Variants in GLG1 observed in about 807,000 individuals in gnomAD.
GLG1 encodes the protein golgi glycoprotein 1.
Under a neutral mutation model 160.5 loss-of-function variants are expected in GLG1, and 38 were observed. The observed-to-expected ratio is 0.24, with a 90% confidence interval of 0.18 to 0.31. The LOEUF is 0.31. Among genes scored for constraint, GLG1 ranks in the 10% least tolerant of loss-of-function variants. GLG1 has a pLI of 1.00. For missense variants in GLG1, 1,373 were observed against 1,505.2 expected (o/e 0.91, Z 1.45); for synonymous variants, 644 against 543.4 (o/e 1.19, Z -2.57).
chr16:74,551,371 T>A (rs1382573697), intron 1 of GLG1, among the ~76,000 whole-genome samples: 2 of 151,908 alleles, frequency 1.3e-5, no homozygotes, highest in East Asian at 3.9e-4. Flanking sequence ...TTCGGCTCAC[T>A]GCAACCTTAG....
chr16:74,499,414 CTG>C (rs1174710617), intron 4 of GLG1, among the ~76,000 whole-genome samples: 1 of 152,090 alleles, frequency 6.6e-6, no homozygotes, highest in Non-Finnish European at 1.5e-5. Context: ...CTATGGAACA[CTG>C]TGTTTTTTAC....
chr16:74,527,134 GT>G (rs2017359844), intron 2 of GLG1, among the ~76,000 whole-genome samples: 1 of 151,282 alleles, frequency 6.6e-6, no homozygotes, highest in African/African-American at 2.4e-5. Flanking sequence ...ATATTCCAAA[GT>G]AAAATTATAT....
chr16:74,560,217 A>C (rs2018470818), intron 1 of GLG1, among the ~76,000 whole-genome samples: 1 of 152,076 alleles, frequency 6.6e-6, no homozygotes, highest in South Asian at 2.1e-4. Context: ...CCATTCCATC[A>C]GTTGAAGGTC....
intron 4 of GLG1, among the ~76,000 whole-genome samples, chr16:74,502,717 T>G (rs1160048512): frequency 2.5e-5 from 2 of 79,246 alleles, no homozygotes; most frequent in Non-Finnish European, 5.0e-5. Flanking sequence ...CTAATTTTGT[T>G]TTTGGTTTTT....
At chr16:74,606,108 T>A (rs1597393253) in intron 1 of GLG1, among the ~76,000 whole-genome samples, 1 of 152,176 alleles carries the variant, frequency 6.6e-6, no homozygotes, top group East Asian at 1.9e-4. Flanking sequence ...CACTGGGAGT[T>A]AACAGCTTAA....
intron 22 of GLG1, 151 bp downstream of exon 22, chr16:74,461,943 G>GT: frequency 1.7e-6 from 1 of 576,930 alleles, no homozygotes; most frequent in East Asian, 2.9e-5. Flanking sequence ...GTGTTACAAA[G>GT]AACAGGAATG....
At chr16:74,571,334 T>C (rs1488308812) in intron 1 of GLG1, among the ~76,000 whole-genome samples, 1 of 152,144 alleles carries the variant, frequency 6.6e-6, no homozygotes, top group Non-Finnish European at 1.5e-5. Context: ...TGCCCAAAAA[T>C]CTGACCCACA....
intron 2 of GLG1, among the ~76,000 whole-genome samples, chr16:74,522,090 T>C (rs1374940325): frequency 6.6e-6 from 1 of 152,216 alleles, no homozygotes; most frequent in Non-Finnish European, 1.5e-5. Flanking sequence ...TTATAAACAA[T>C]GCTGCCTAGG....
At chr16:74,473,564 C>T (rs989525903) in intron 13 of GLG1, among the ~76,000 whole-genome samples, 6 of 151,710 alleles carry the variant, frequency 4.0e-5, no homozygotes, top group East Asian at 1.9e-4. Flanking sequence ...CTCAGCCTCC[C>T]GAGTAGCTGG....
intron 2 of GLG1, among the ~76,000 whole-genome samples, chr16:74,522,112 T>C (rs369439275): frequency 4.6e-5 from 7 of 152,370 alleles, no homozygotes; most frequent in African/African-American, 1.4e-4. Flanking sequence ...ATTTAGTTGA[T>C]ATTTTGCTCT....
chr16:74,541,768 A>C (rs1312362034), intron 1 of GLG1, among the ~76,000 whole-genome samples: 1 of 152,178 alleles, frequency 6.6e-6, no homozygotes, highest in Non-Finnish European at 1.5e-5. Flanking sequence ...AAAATACATG[A>C]CACACATGTT....
chr16:74,465,684 T>G lies in GLG1; in HGVS notation c.2659A>C (p.Met887Leu). ...DYTLMRVCKQ[M>L]IKRFCPEADS... ...TGGTGTCGGCTTCTCACCTTTATCATCTGCTTGCAGACCCTCATGAGGGTG... is the reference window on the plus strand; with the variant it reads ...TGGTGTCGGCTTCTCACCTTTATCAGCTGCTTGCAGACCCTCATGAGGGTG... The change falls in exon 19 of 26, where the codon ATG (methionine) becomes CTG (leucine). Residue 887 changes from methionine to leucine, a missense_variant. Physicochemically the swap from Met to Leu is conservative, Grantham distance 15 (BLOSUM62 2). Coordinates refer to ENST00000422840, the MANE Select transcript of GLG1 (RefSeq NM_001145667.2). 6.2e-7 allele frequency: 1 copy of G among 1,613,876 alleles called. No homozygotes were observed. Among genetic ancestry groups the G allele is most frequent in the East Asian group, 2.2e-5 (1 of 44,856 alleles).
chr16:74,571,632 C>T (rs1289663320), intron 1 of GLG1, among the ~76,000 whole-genome samples: 4 of 147,298 alleles, frequency 2.7e-5, no homozygotes, highest in Non-Finnish European at 5.9e-5. Flanking sequence ...CCAGCCTGGG[C>T]AACAGAGCAA....
rs184021787 is a variant in GLG1, at chr16:74,596,739, G to C, written c.438+9918C>G. Reference sequence around the variant, plus strand: ...GGGAAAATGAGCTATCACACAGCTGGACTGACTTGTTTTCAAATCTTGATT... The same window carrying C: ...GGGAAAATGAGCTATCACACAGCTGCACTGACTTGTTTTCAAATCTTGATT... On this transcript the variant is annotated intron_variant, in intron 1 of 25. Transcript: ENST00000422840. Among the ~76,000 whole-genome samples, 282 of 152,278 alleles carry C rather than the reference G, an allele frequency of 1.9e-3. 5 individuals are homozygous for C. The highest frequency in any genetic ancestry group is 0.017 in the Admixed American group (262 of 15,282).
intron 15 of GLG1, 30 bp from the exon 16 acceptor site, chr16:74,470,103 G>A: frequency 3.5e-6 from 5 of 1,437,194 alleles, no homozygotes; most frequent in African/African-American, 1.4e-5. Flanking sequence ...AAAGTCAGAA[G>A]TTTTGTGGCA....
chr16:74,563,870 T>C (rs1177855018), intron 1 of GLG1, among the ~76,000 whole-genome samples: 1 of 152,236 alleles, frequency 6.6e-6, no homozygotes, highest in Non-Finnish European at 1.5e-5. Context: ...GATAACAGAA[T>C]TGCTCAAGGT....
intron 1 of GLG1, among the ~76,000 whole-genome samples, chr16:74,601,337 C>T (rs912490736): frequency 2.0e-5 from 3 of 151,732 alleles, no homozygotes; most frequent in South Asian, 2.1e-4. Context: ...CCTCAGCATC[C>T]GGGAGGCAGA....
intron 1 of GLG1, among the ~76,000 whole-genome samples, chr16:74,546,488 A>C (rs1448682595): frequency 6.6e-6 from 1 of 152,140 alleles, no homozygotes; most frequent in African/African-American, 2.4e-5. Context: ...TTGATTTAAG[A>C]CTTCTGAAAC....
At chr16:74,540,267 T>G (rs1201382965) in intron 1 of GLG1, among the ~76,000 whole-genome samples, 16 of 145,842 alleles carry the variant, frequency 1.1e-4, no homozygotes, top group Non-Finnish European at 2.1e-4. Context: ...ACATAAATTT[T>G]ATAAAGTATT....
Sources: gnomAD v4.1 joint callset for allele counts (sites outside exome capture counted in the v4.1 genomes callset) on GRCh38, gnomAD v4.1.1 for gene constraint, MANE v1.5 for transcripts, NCBI Gene and HGNC (gene_info 2026-07-23, HGNC 2026-07-21) for gene names.